INSR: variants seen among roughly 807,000 people sequenced by gnomAD.
INSR encodes the protein insulin receptor, also known as IR.
INSR carries 67 observed loss-of-function variants against 142.6 expected under a neutral mutation model. The ratio of observed to expected loss-of-function variants is 0.47; its 90% CI spans 0.39 to 0.58. The LOEUF (loss-of-function observed/expected upper bound fraction) is 0.58, where lower values mean the gene tolerates loss of function less well. INSR is among the 20% of genes least tolerant of loss of function. The pLI, the probability that INSR is intolerant of heterozygous loss-of-function variation, is 0.00. For missense variants in INSR, 1,248 were observed against 1,833.2 expected (o/e 0.68, Z 5.83); for synonymous variants, 756 against 743.1 (o/e 1.02, Z -0.28).
At position 7,142,816 on chromosome 19, in the gene INSR, C is replaced by A; in HGVS notation, c.2542G>T (p.Ala848Ser). Reference protein sequence around the residue: ...AYVSARTMPEAKADDIVGPVT... With the variant: ...AYVSARTMPESKADDIVGPVT... The stretch of plus-strand genomic sequence containing the variant: ...TCGGACCCCGGAGCAGCAGCCCTAC[C>A]TTCAGGCATGGTCCTCGCACTGACG... The change falls in exon 12 of 22, where the codon GCC becomes TCC. Residue 848 changes from alanine (A) to serine (S), a missense_variant and splice_region_variant. By Grantham distance (99) the Ala-to-Ser change is moderately conservative. This residue lies in a region of INSR where 1,069 missense variants were observed against 1,654.0 expected (regional missense o/e 0.65). Coordinates refer to ENST00000302850, the MANE Select transcript of INSR (RefSeq NM_000208.4). 4 of 1,614,020 alleles carry A rather than the reference C, an allele frequency of 2.5e-6. No individual in the cohort carries two copies. The highest frequency in any genetic ancestry group is 3.4e-6 in the Non-Finnish European group (4 of 1,180,026).
intron 10 of INSR, 119 bp downstream of exon 10, chr19:7,152,607 A>G: frequency 1.2e-6 from 1 of 859,016 alleles, no homozygotes; most frequent in Non-Finnish European, 2.0e-6. Flanking sequence ...CTCCATTCAG[A>G]CTCCACCCAC....
intron 2 of INSR, among the ~76,000 whole-genome samples, chr19:7,201,903 C>T (rs1473861402): frequency 1.3e-5 from 2 of 152,046 alleles, no homozygotes; most frequent in Non-Finnish European, 2.9e-5. Context: ...CCTCGTGATC[C>T]ACCCGCCTCG....
At chr19:7,164,509 C>A (rs952495802) in intron 8 of INSR, among the ~76,000 whole-genome samples, 2 of 151,672 alleles carry the variant, frequency 1.3e-5, no homozygotes, top group African/African-American at 4.8e-5. Context: ...CATGGTGAAG[C>A]CCCATCTCTA....
At chr19:7,191,906 AAG>A (rs1221793489) in intron 2 of INSR, among the ~76,000 whole-genome samples, 1 of 147,392 alleles carries the variant, frequency 6.8e-6, no homozygotes, top group African/African-American at 2.5e-5. Context: ...AGAGAAAAGA[AAG>A]AGAAAGACAG....
chr19:7,161,595 T>A (rs759042529), intron 9 of INSR, among the ~76,000 whole-genome samples: 2 of 152,090 alleles, frequency 1.3e-5, no homozygotes, highest in Non-Finnish European at 2.9e-5. Context: ...AGATAACCAA[T>A]TCTTGCTGCC....
In INSR at chr19:7,119,012, T is replaced by C. The variant is rs1191067214; in HGVS notation, c.3794+437A>G. Among the ~76,000 whole-genome samples the C allele has an allele frequency of 6.6e-6, 1 of 151,242 alleles. No individual in the cohort carries two copies. Among genetic ancestry groups the C allele is most frequent in the Non-Finnish European group, 1.5e-5 (1 of 67,932 alleles). The stretch of plus-strand genomic sequence containing the variant: ...CCTTCTCCCAAGATAACTACCGCTA[T>C]AGGTGTTTTGTGCAACCTTCCAAAG... On this transcript the variant is annotated intron_variant, in intron 21 of 21. Transcript: ENST00000302850. The surrounding 1 kb of genome is among the most constrained non-coding windows in gnomAD (Gnocchi z 5.2).
chr19:7,154,300 C>CA (rs1555741286), intron 9 of INSR, among the ~76,000 whole-genome samples: 1 of 107,292 alleles, frequency 9.3e-6, no homozygotes. Flanking sequence ...ACCACAATTA[C>CA]TTTTTTTTTT....
intron 2 of INSR, among the ~76,000 whole-genome samples, chr19:7,209,059 CTG>C (rs1276679173): frequency 6.6e-6 from 1 of 152,204 alleles, no homozygotes; most frequent in East Asian, 1.9e-4. Flanking sequence ...ACTCAGGAGG[CTG>C]AGGCATGGGA....
At chr19:7,248,088 CA>C (rs1319645003) in intron 2 of INSR, among the ~76,000 whole-genome samples, 5 of 151,970 alleles carry the variant, frequency 3.3e-5, no homozygotes, top group African/African-American at 1.2e-4. Context: ...CACTTGAGCC[CA>C]GGAGTTCAAG....
intron 2 of INSR, among the ~76,000 whole-genome samples, chr19:7,199,372 GGGAGTGGGAGTTTGTTT>G (rs1276401130): frequency 6.6e-6 from 1 of 151,768 alleles, no homozygotes; most frequent in Non-Finnish European, 1.5e-5. Context: ...TGGAGTTTGG[GGGAGTGGGAGTTTGTTT>G]GATTTTTTAA....
chr19:7,220,337 C>T lies in INSR; in HGVS notation c.653-35700G>A, dbSNP rs370273451. On this transcript the variant is annotated intron_variant, in intron 2 of 21. Transcript: ENST00000302850. ...ATGGAGTCTCGCTCTGTCGCCCAGC[C>T]TGGAGTGCAGTGGTGCGATCTTGGC... 2.3e-4 allele frequency among the ~76,000 whole-genome samples: 35 copies of T among 152,326 alleles called. No homozygotes were observed. In the East Asian group the frequency reaches 5.6e-3, roughly 24 times the overall value.
chr19:7,141,212 C>T (rs1027469378), intron 13 of INSR, among the ~76,000 whole-genome samples: 7 of 152,160 alleles, frequency 4.6e-5, no homozygotes, highest in East Asian at 1.9e-4. Context: ...CCCACCACCA[C>T]GCCTGGCTAA....
At chr19:7,172,196 G>A in intron 5 of INSR, 94 bp downstream of exon 5, 4 of 1,376,224 alleles carry the variant, frequency 2.9e-6, no homozygotes, top group Non-Finnish European at 4.1e-6. Flanking sequence ...ACAGGCATCA[G>A]CCACCACACC....
Position 7,148,554 on chromosome 19 carries a change from C to T in INSR, c.2267+1943G>A, listed in dbSNP as rs1423880182. ...ATGCAGTGGCGAGATCTCGGCTCAC[C>T]GCAACCTCCGCCTCCAGAAATCAAG... On this transcript the variant is annotated intron_variant, in intron 11 of 21. Transcript: ENST00000302850. Among the ~76,000 whole-genome samples the T allele has an allele frequency of 1.0e-4, 14 of 137,014 alleles. 1 individual carries two copies. The highest frequency in any genetic ancestry group is 3.1e-4 in the African/African-American group (11 of 35,966). 89.9% of individuals were successfully genotyped at this position (137,014 alleles called of 152,430 possible). A position where few individuals can be genotyped will look rare whatever the true frequency, so the allele number is the denominator to read the frequency against.
intron 2 of INSR, among the ~76,000 whole-genome samples, chr19:7,257,974 C>G (rs1976948071): frequency 6.6e-6 from 1 of 152,218 alleles, no homozygotes; most frequent in Non-Finnish European, 1.5e-5. Flanking sequence ...AGGTGCCCGC[C>G]ACCACGCTCA....
chr19:7,168,165 C>A lies in INSR; in HGVS notation c.1484-71G>T. 1.3e-6 allele frequency: 2 copies of A among 1,524,562 alleles called. No individual in the cohort carries two copies. The highest frequency in any genetic ancestry group is 1.8e-6 in the Non-Finnish European group (2 of 1,102,904). The allele number at this position is 1,524,562 out of a possible 1,614,324, so 94.4% of individuals were successfully genotyped here. ...GTTTCAGACCAAAGCCTGGGACCCCCACACTTCCTGGAGGGACCGTGAGAA... is the reference window on the plus strand; with the variant it reads ...GTTTCAGACCAAAGCCTGGGACCCCAACACTTCCTGGAGGGACCGTGAGAA... On this transcript the variant is annotated intron_variant, in intron 6 of 21. Transcript: ENST00000302850. This position sits in a 1 kb window ranked among gnomAD's most constrained non-coding sequence, Gnocchi z 4.3.
chr19:7,189,553 T>A (rs57274677), intron 2 of INSR, among the ~76,000 whole-genome samples: 13,767 of 152,228 alleles, frequency 0.09, 655 homozygotes, highest in South Asian at 0.17. Flanking sequence ...CATATGTACA[T>A]GAAGAGGCAT....
intron 2 of INSR, among the ~76,000 whole-genome samples, chr19:7,265,262 A>G (rs376971554): frequency 1.3e-5 from 2 of 152,190 alleles, no homozygotes; most frequent in African/African-American, 4.8e-5. Flanking sequence ...GCTCTGTGGC[A>G]TGGAGAGGCA....
chr19:7,228,388 T>C lies in INSR; in HGVS notation c.652+38957A>G, dbSNP rs961854392. Among the ~76,000 whole-genome samples, 5 of 152,330 alleles carry C rather than the reference T, an allele frequency of 3.3e-5. 1 individual carries two copies. The highest frequency in any genetic ancestry group is 2.6e-4 in the Admixed American group (4 of 15,298). ...CATCTATGAGACAATCAAGATTTCA[T>C]GATCACACCCCATTTACTCAGTGAG... On this transcript the variant is annotated intron_variant, in intron 2 of 21. Transcript: ENST00000302850.
Sources: allele counts gnomAD v4.1 joint callset (sites outside exome capture counted in the v4.1 genomes callset), GRCh38; gene constraint gnomAD v4.1.1; regional missense constraint gnomAD v4.1.1; non-coding constraint Gnocchi (gnomAD v3.1); transcripts MANE v1.5; gene names NCBI Gene and HGNC (gene_info 2026-07-23, HGNC 2026-07-21).